The following PPM1H variants were observed in gnomAD, a reference collection of about 807,000 sequenced individuals.
The protein encoded by PPM1H is protein phosphatase 1H.
In PPM1H, 27 loss-of-function variants were observed where a neutral mutation model predicts 54.9. The ratio of observed to expected loss-of-function variants is 0.49; its 90% CI spans 0.36 to 0.68. PPM1H has a LOEUF of 0.68. Among genes scored for constraint, PPM1H ranks in the 30% least tolerant of loss-of-function variants. The pLI is 0.00. For synonymous variants in PPM1H, 305 were observed against 270.8 expected (o/e 1.13, Z -1.24); for missense variants, 596 against 667.8 (o/e 0.89, Z 1.19).
chr12:62,854,479 G>C (rs1378357831), intron 1 of PPM1H, among the ~76,000 whole-genome samples: 1 of 152,018 alleles, frequency 6.6e-6, no homozygotes, highest in African/African-American at 2.4e-5. Context: ...CAGGGGTGGG[G>C]GTGGGCAGGA....
chr12:62,919,731 A>T (rs1871734156), intron 1 of PPM1H, among the ~76,000 whole-genome samples: 1 of 152,190 alleles, frequency 6.6e-6, no homozygotes, highest in African/African-American at 2.4e-5. Flanking sequence ...AATTTACAGC[A>T]CAAGTCCTCA....
chr12:62,865,253 C>T (rs1305368798), intron 1 of PPM1H, among the ~76,000 whole-genome samples: 1 of 152,168 alleles, frequency 6.6e-6, no homozygotes, highest in Non-Finnish European at 1.5e-5. Context: ...CACCAGATCT[C>T]CTCAGCTCCC....
chr12:62,787,256 GGAGC>G (rs548942929), intron 4 of PPM1H, among the ~76,000 whole-genome samples: 3 of 152,134 alleles, frequency 2.0e-5, no homozygotes, highest in Non-Finnish European at 4.4e-5. Flanking sequence ...CAAAAAGGGT[GGAGC>G]AAGCAGGAGA....
intron 1 of PPM1H, among the ~76,000 whole-genome samples, chr12:62,902,090 C>T (rs879544026): frequency 3.9e-5 from 6 of 152,074 alleles, no homozygotes; most frequent in Admixed American, 6.5e-5. Flanking sequence ...TGGCCAGGCG[C>T]GGTGGCCCAT....
chr12:62,832,355 A>AAG, intron 1 of PPM1H, 76 bp from the exon 2 acceptor site: 1 of 1,422,010 alleles, frequency 7.0e-7, no homozygotes, highest in South Asian at 1.2e-5. Context: ...AGGGTCAGCC[A>AAG]AGACAGTCTC....
intron 4 of PPM1H, among the ~76,000 whole-genome samples, chr12:62,745,343 T>A (rs1416449291): frequency 5.3e-5 from 8 of 152,212 alleles, no homozygotes; most frequent in Non-Finnish European, 1.2e-4. Context: ...ATTACAGGCA[T>A]GAGCCACCGC....
At chr12:62,696,604 A>G (rs1190858552) in intron 6 of PPM1H, among the ~76,000 whole-genome samples, 2 of 152,260 alleles carry the variant, frequency 1.3e-5, no homozygotes, top group African/African-American at 4.8e-5. Context: ...AGTACTCAAG[A>G]GTTAAAACTG....
At chr12:62,691,150 A>G (rs1442256725) in intron 7 of PPM1H, among the ~76,000 whole-genome samples, 3 of 152,214 alleles carry the variant, frequency 2.0e-5, no homozygotes, top group African/African-American at 7.2e-5. Context: ...AGGAGGTGGC[A>G]CTTAGCACAG....
intron 5 of PPM1H, among the ~76,000 whole-genome samples, chr12:62,732,056 TG>T (rs2076324025): frequency 6.6e-6 from 1 of 152,158 alleles, no homozygotes. Context: ...TCAATCACCA[TG>T]GAGACCTTAG....
chr12:62,827,085 T>C (rs1206606545), intron 2 of PPM1H, among the ~76,000 whole-genome samples: 2 of 152,188 alleles, frequency 1.3e-5, no homozygotes, highest in African/African-American at 2.4e-5. Context: ...ATCTTGTAAC[T>C]CCTTAAATCT....
intron 5 of PPM1H, among the ~76,000 whole-genome samples, chr12:62,726,462 A>G (rs1482977313): frequency 6.6e-6 from 1 of 152,184 alleles, no homozygotes; most frequent in African/African-American, 2.4e-5. Context: ...TTGAAAAAAA[A>G]AACCCTCTAA....
At chr12:62,697,361 G>A (rs892782447) in intron 6 of PPM1H, among the ~76,000 whole-genome samples, 3 of 151,940 alleles carry the variant, frequency 2.0e-5, no homozygotes, top group Admixed American at 1.3e-4. Context: ...CAGGTGATCT[G>A]CCCACCTCGG....
intron 1 of PPM1H, among the ~76,000 whole-genome samples, chr12:62,909,013 CA>C (rs1871381402): frequency 2.0e-5 from 3 of 152,024 alleles, no homozygotes; most frequent in Non-Finnish European, 4.4e-5. Flanking sequence ...ACCAGTCCCC[CA>C]CCCCACCCTA....
chr12:62,890,152 A>G (rs989330879), intron 1 of PPM1H, among the ~76,000 whole-genome samples: 4 of 152,254 alleles, frequency 2.6e-5, no homozygotes, highest in African/African-American at 4.8e-5. Context: ...CAGAAGGCAA[A>G]TAAACATATT....
At chr12:62,667,392 C>A in intron 8 of PPM1H, 63 bp from the exon 9 acceptor site, 1 of 1,364,468 alleles carries the variant, frequency 7.3e-7, no homozygotes, top group Non-Finnish European at 9.9e-7. Context: ...CCCTAACAAA[C>A]TGACTTCTGA....
chr12:62,723,972 A>T (rs141142159), intron 5 of PPM1H, among the ~76,000 whole-genome samples: 1 of 152,196 alleles, frequency 6.6e-6, no homozygotes, highest in Non-Finnish European at 1.5e-5. Context: ...AAGCCATGAG[A>T]CCTAGCTCAC....
intron 2 of PPM1H, among the ~76,000 whole-genome samples, chr12:62,817,710 A>T (rs1401588319): frequency 6.6e-6 from 1 of 152,202 alleles, no homozygotes; most frequent in Non-Finnish European, 1.5e-5. Flanking sequence ...GGGGTGAAAG[A>T]GTACTTCTTA....
At chr12:62,817,820 T>C (rs1001313284) in intron 2 of PPM1H, among the ~76,000 whole-genome samples, 6 of 152,158 alleles carry the variant, frequency 3.9e-5, no homozygotes, top group Non-Finnish European at 7.4e-5. Flanking sequence ...TTTGATCCTA[T>C]TTGCCTGGAG....
chr12:62,784,969 A>G (rs1220471890), intron 4 of PPM1H, among the ~76,000 whole-genome samples: 1 of 152,220 alleles, frequency 6.6e-6, no homozygotes, highest in East Asian at 1.9e-4. Flanking sequence ...AATCAACTAC[A>G]AAACCCCAAA....
Sources: allele counts gnomAD v4.1 joint callset (sites outside exome capture counted in the v4.1 genomes callset), GRCh38; gene constraint gnomAD v4.1.1; transcripts MANE v1.5; gene names NCBI Gene and HGNC (gene_info 2026-07-23, HGNC 2026-07-21).